TP73: variants seen among roughly 807,000 people sequenced by gnomAD.
The protein encoded by TP73 is tumor protein p73.
Under a neutral mutation model 62.5 loss-of-function variants are expected in TP73, and 25 were observed. That is an observed-to-expected ratio of 0.40 (90% CI 0.29 to 0.56). The LOEUF (loss-of-function observed/expected upper bound fraction) is 0.56, where lower values mean the gene tolerates loss of function less well. Ranked by LOEUF, TP73 falls within the 20% of genes least tolerant of loss-of-function variation. The pLI, the probability that TP73 is intolerant of heterozygous loss-of-function variation, is 0.46. For synonymous variants in TP73, 423 were observed against 377.5 expected (o/e 1.12, Z -1.40); for missense variants, 754 against 913.3 (o/e 0.83, Z 2.25).
Position 3,699,004 on chromosome 1 carries a change from G to C in TP73, c.187-8545G>C, listed in dbSNP as rs965591451. 2.0e-5 allele frequency among the ~76,000 whole-genome samples: 3 copies of C among 151,114 alleles called. No individual in the cohort carries two copies. The highest frequency in any genetic ancestry group is 4.4e-5 in the Non-Finnish European group (3 of 68,024). On this transcript the variant is annotated intron_variant, in intron 3 of 13. Transcript: ENST00000378295. This position sits in a 1 kb window ranked among gnomAD's most constrained non-coding sequence, Gnocchi z 4.1. ...TTCCACATGGCCCTGGCACGGGATT[G>C]GGCAAGGCCTCGCCTCAGCCCCGGG...
intron 5 of TP73, among the ~76,000 whole-genome samples, chr1:3,722,956 G>A (rs754132065): frequency 7.0e-6 from 1 of 142,820 alleles, no homozygotes; most frequent in Non-Finnish European, 1.5e-5. Flanking sequence ...ACACCTCTCT[G>A]TGCCTGGCAC....
intron 1 of TP73, among the ~76,000 whole-genome samples, chr1:3,661,816 TTA>T (rs910853665): frequency 3.4e-5 from 5 of 147,838 alleles, no homozygotes; most frequent in African/African-American, 9.8e-5. Context: ...AATATATGTA[TTA>T]TATATATACA....
intron 4 of TP73, among the ~76,000 whole-genome samples, chr1:3,721,130 C>A (rs376586015): frequency 2.6e-5 from 4 of 152,336 alleles, no homozygotes; most frequent in South Asian, 4.1e-4. Context: ...AGTGAGTGGA[C>A]GCCCCTGCAG....
Position 3,731,069 on chromosome 1 carries a change from C to A in TP73, c.1484+4C>A. ...ACGCCGACCCCAGCCTCGTCAGGTG[C>A]GTGGGCTGCCGAGGGCCTGAGCATG... On this transcript the variant is annotated splice_donor_region_variant and intron_variant, in intron 12 of 13. Coordinates refer to ENST00000378295, the MANE Select transcript of TP73 (RefSeq NM_005427.4). 6.2e-7 allele frequency: 1 copy of A among 1,609,334 alleles called. No homozygotes were observed. The highest frequency in any genetic ancestry group is 1.1e-5 in the South Asian group (1 of 90,814).
At chr1:3,700,652 G>A (rs1334295182) in intron 3 of TP73, among the ~76,000 whole-genome samples, 1 of 151,948 alleles carries the variant, frequency 6.6e-6, no homozygotes, top group Non-Finnish European at 1.5e-5. Context: ...ACAAAAATTA[G>A]CGTCTGTAAT....
chr1:3,672,471 G>A lies in TP73; in HGVS notation c.-33-9862G>A, dbSNP rs937099498. On this transcript the variant is annotated intron_variant, in intron 1 of 13. Transcript: ENST00000378295. The surrounding 1 kb of genome is among the most constrained non-coding windows in gnomAD (Gnocchi z 5.3). ...AGGCTGTGGCAGCTCCAGCGAAGGC[G>A]GCTGCGGCCCCATCAGTCACCTGCC... 1.3e-5 allele frequency among the ~76,000 whole-genome samples: 2 copies of A among 152,038 alleles called. No homozygotes were observed. Among genetic ancestry groups the A allele is most frequent in the South Asian group, 2.1e-4 (1 of 4,826 alleles).
intron 6 of TP73, among the ~76,000 whole-genome samples, chr1:3,726,420 G>T (rs900332043): frequency 1.0e-5 from 1 of 99,380 alleles, no homozygotes; most frequent in Non-Finnish European, 2.2e-5. Flanking sequence ...GATGGATGGG[G>T]TGGGTGTTGG....
At chr1:3,677,036 C>G (rs2102066819) in intron 1 of TP73, among the ~76,000 whole-genome samples, 1 of 152,094 alleles carries the variant, frequency 6.6e-6, no homozygotes, top group South Asian at 2.1e-4. Context: ...TCAGAAGGCC[C>G]TGAGTCAAAC....
chr1:3,665,337 G>C (rs1425395439), intron 1 of TP73, among the ~76,000 whole-genome samples: 2 of 152,118 alleles, frequency 1.3e-5, no homozygotes, highest in Non-Finnish European at 2.9e-5. Flanking sequence ...AAAAAATGAG[G>C]TATTGGTAAA....
chr1:3,714,029 C>T (rs998950942), intron 4 of TP73, among the ~76,000 whole-genome samples: 2 of 152,222 alleles, frequency 1.3e-5, no homozygotes, highest in Admixed American at 1.3e-4. Flanking sequence ...CCCAGCCATG[C>T]CACTGGAGCG....
intron 4 of TP73, among the ~76,000 whole-genome samples, chr1:3,717,230 C>T (rs1434845937): frequency 6.6e-6 from 1 of 152,202 alleles, no homozygotes; most frequent in African/African-American, 2.4e-5. Flanking sequence ...ATTAGCAGCC[C>T]CCCGCTGCAC....
At position 3,672,785 on chromosome 1, in the gene TP73, C is replaced by A. The variant is rs1411820161; in HGVS notation, c.-33-9548C>A. ...CAGTTCCCTGACAGGGCCCCACTTC[C>A]CTCCTGCCGCCAACCTCGTCCCCCC... is the stretch of plus-strand genomic sequence containing the variant. On this transcript the variant is annotated intron_variant, in intron 1 of 13. Coordinates refer to ENST00000378295, the MANE Select transcript of TP73 (RefSeq NM_005427.4). The surrounding 1 kb of genome is among the most constrained non-coding windows in gnomAD (Gnocchi z 5.3). Among the ~76,000 whole-genome samples, 1 of 152,158 alleles carries A rather than the reference C, an allele frequency of 6.6e-6. No homozygotes were observed. Among genetic ancestry groups the A allele is most frequent in the African/African-American group, 2.4e-5 (1 of 41,440 alleles).
chr1:3,692,011 G>A (rs1337695480), intron 3 of TP73, among the ~76,000 whole-genome samples: 2 of 152,218 alleles, frequency 1.3e-5, no homozygotes, highest in Non-Finnish European at 2.9e-5. Context: ...AAGCGTGGAT[G>A]TGCATGCAAT....
intron 4 of TP73, among the ~76,000 whole-genome samples, chr1:3,711,366 C>T (rs959258393): frequency 1.3e-5 from 2 of 152,240 alleles, no homozygotes; most frequent in African/African-American, 4.8e-5. Flanking sequence ...GCCCTGCTGG[C>T]CACTCCTGTC....
chr1:3,698,570 G>A lies in TP73; in HGVS notation c.187-8979G>A, dbSNP rs1034125648. 3.9e-5 allele frequency among the ~76,000 whole-genome samples: 6 copies of A among 152,322 alleles called. No individual in the cohort carries two copies. In the East Asian group the frequency reaches 1.2e-3, roughly 29 times the overall value. The stretch of plus-strand genomic sequence containing the variant: ...GTGGGCTTTGAGCGGGATCCGGGAG[G>A]CAGGGGGCAGAAGCTGAGGGACGTG... On this transcript the variant is annotated intron_variant, in intron 3 of 13. Coordinates refer to ENST00000378295, the MANE Select transcript of TP73 (RefSeq NM_005427.4).
In TP73 at chr1:3,670,135, C is replaced by T. The variant is rs923182470; in HGVS notation, c.-33-12198C>T. On this transcript the variant is annotated intron_variant, in intron 1 of 13. Transcript: ENST00000378295. The surrounding 1 kb of genome is among the most constrained non-coding windows in gnomAD (Gnocchi z 5.9). ...ATGGGCTCTTCCTGGCTTGCTGTGT[C>T]GCTCTGGGTGCGTTTTACACCACTC... Among the ~76,000 whole-genome samples, 7 of 151,952 alleles carry T rather than the reference C, an allele frequency of 4.6e-5. No individual in the cohort carries two copies. The highest frequency in any genetic ancestry group is 1.7e-4 in the African/African-American group (7 of 41,350).
chr1:3,654,618 C>T (rs1644827362), intron 1 of TP73, among the ~76,000 whole-genome samples: 1 of 152,204 alleles, frequency 6.6e-6, no homozygotes, highest in Admixed American at 6.5e-5. Context: ...GAGTGCCTGG[C>T]ACCCACTCAG....
At chr1:3,693,051 G>A (rs947254613) in intron 3 of TP73, among the ~76,000 whole-genome samples, 42 of 152,112 alleles carry the variant, frequency 2.8e-4, no homozygotes, top group Non-Finnish European at 8.8e-5. Flanking sequence ...AACTGGGCAC[G>A]TTTTGTGTGT....
chr1:3,731,019 C>T lies in TP73; in HGVS notation c.1438C>T (p.His480Tyr), dbSNP rs1343905880. The T allele has an allele frequency of 6.2e-7, 1 of 1,612,508 alleles. No homozygotes were observed. Among genetic ancestry groups the T allele is most frequent in the East Asian group, 2.2e-5 (1 of 44,878 alleles). ...HSAQSMVSGS[H>Y]CTPPPPYHAD... ...CGCCCAGTCCATGGTCTCGGGGTCC[C>T]ACTGCACTCCGCCACCCCCCTACCA... The change falls in exon 12 of 14, where the codon CAC (histidine) becomes TAC (tyrosine). Residue 480 changes from histidine to tyrosine, a missense_variant. By Grantham distance (83) the His-to-Tyr change is moderately conservative. This residue lies in a region of TP73 where 458 missense variants were observed against 528.7 expected (regional missense o/e 0.87). Coordinates refer to ENST00000378295, the MANE Select transcript of TP73 (RefSeq NM_005427.4).
Sources: allele counts gnomAD v4.1 joint callset (sites outside exome capture counted in the v4.1 genomes callset), GRCh38; gene constraint gnomAD v4.1.1; regional missense constraint gnomAD v4.1.1; non-coding constraint Gnocchi (gnomAD v3.1); transcripts MANE v1.5; gene names NCBI Gene and HGNC (gene_info 2026-07-23, HGNC 2026-07-21).